Variants in BTBD9 observed in about 807,000 individuals in gnomAD.
BTBD9 encodes the protein BTB domain containing 9.
In BTBD9, 49 loss-of-function variants were observed where a neutral mutation model predicts 64.3. The ratio of observed to expected loss-of-function variants is 0.76; its 90% CI spans 0.61 to 0.97. The LOEUF (loss-of-function observed/expected upper bound fraction) is 0.97. Among genes scored for constraint, BTBD9 ranks in the 50% least tolerant of loss-of-function variants. The pLI, the probability that BTBD9 is intolerant of heterozygous loss-of-function variation, is 0.00. For synonymous variants in BTBD9, 260 were observed against 274.7 expected (o/e 0.95, Z 0.53); for missense variants, 598 against 762.1 (o/e 0.78, Z 2.53).
intron 9 of BTBD9, among the ~76,000 whole-genome samples, chr6:38,253,871 G>T (rs1232140224): frequency 6.6e-6 from 1 of 151,672 alleles, no homozygotes; most frequent in Non-Finnish European, 1.5e-5. Context: ...ATATGGTATA[G>T]TGGCAAGAAG....
intron 8 of BTBD9, among the ~76,000 whole-genome samples, chr6:38,273,893 T>C (rs370730783): frequency 2.1e-4 from 32 of 152,248 alleles, no homozygotes; most frequent in African/African-American, 6.3e-4. Flanking sequence ...TCCTTCTAGG[T>C]TGTAGTGGTC....
chr6:38,415,771 T>C (rs1409225119), intron 6 of BTBD9, among the ~76,000 whole-genome samples: 1 of 152,130 alleles, frequency 6.6e-6, no homozygotes, highest in Non-Finnish European at 1.5e-5. Flanking sequence ...CTCCTACTGG[T>C]TTCTGTCTTG....
At chr6:38,368,460 G>A (rs1765279307) in intron 6 of BTBD9, among the ~76,000 whole-genome samples, 1 of 152,026 alleles carries the variant, frequency 6.6e-6, no homozygotes, top group Non-Finnish European at 1.5e-5. Flanking sequence ...TCAGCCTCCT[G>A]AGTAGCTGGG....
intron 1 of BTBD9, among the ~76,000 whole-genome samples, chr6:38,617,916 T>C (rs759068991): frequency 6.6e-5 from 10 of 152,186 alleles, no homozygotes; most frequent in African/African-American, 9.7e-5. Flanking sequence ...GTCCTCTTTG[T>C]GGTCTAAGAG....
At chr6:38,180,025 G>C (rs1241575825) in intron 10 of BTBD9, among the ~76,000 whole-genome samples, 1 of 152,234 alleles carries the variant, frequency 6.6e-6, no homozygotes, top group African/African-American at 2.4e-5. Context: ...GCCTGCCTCA[G>C]TCATCTCTGT....
chr6:38,221,103 C>T (rs948760664), intron 9 of BTBD9, among the ~76,000 whole-genome samples: 1 of 152,156 alleles, frequency 6.6e-6, no homozygotes, highest in African/African-American at 2.4e-5. Context: ...CATTTTAGTG[C>T]AGGAGACAGA....
chr6:38,600,050 C>T (rs1221154194), intron 1 of BTBD9, among the ~76,000 whole-genome samples: 1 of 152,124 alleles, frequency 6.6e-6, no homozygotes, highest in Non-Finnish European at 1.5e-5. Context: ...TATGAAAGAC[C>T]AAATTCAGCT....
intron 6 of BTBD9, among the ~76,000 whole-genome samples, chr6:38,433,663 C>T (rs1199678205): frequency 5.3e-5 from 8 of 151,962 alleles, no homozygotes; most frequent in African/African-American, 1.9e-4. Context: ...CGCCTGCACC[C>T]AGGTGAAATA....
intron 6 of BTBD9, among the ~76,000 whole-genome samples, chr6:38,521,009 T>G (rs898876779): frequency 6.6e-6 from 1 of 151,950 alleles, no homozygotes; most frequent in Non-Finnish European, 1.5e-5. Context: ...CCACCATAAA[T>G]GATCTAAATA....
At chr6:38,563,240 T>C (rs1012223959) in intron 6 of BTBD9, among the ~76,000 whole-genome samples, 2 of 152,226 alleles carry the variant, frequency 1.3e-5, no homozygotes, top group African/African-American at 2.4e-5. Context: ...TCAAATATCA[T>C]CTTCTAAGAC....
intron 6 of BTBD9, among the ~76,000 whole-genome samples, chr6:38,460,188 A>G (rs1280912220): frequency 6.6e-6 from 1 of 152,232 alleles, no homozygotes; most frequent in African/African-American, 2.4e-5. Flanking sequence ...AACCTTAGGC[A>G]GTAAGAAAAT....
At chr6:38,251,752 C>T (rs1031575317) in intron 9 of BTBD9, among the ~76,000 whole-genome samples, 2 of 151,778 alleles carry the variant, frequency 1.3e-5, no homozygotes, top group Admixed American at 6.6e-5. Flanking sequence ...ATTAGCCAGC[C>T]GTGGTAGCAT....
At chr6:38,333,641 G>A (rs1763764648) in intron 7 of BTBD9, among the ~76,000 whole-genome samples, 1 of 152,188 alleles carries the variant, frequency 6.6e-6, no homozygotes, top group Non-Finnish European at 1.5e-5. Flanking sequence ...ATGTAAATAA[G>A]TGCCTGTTTT....
intron 6 of BTBD9, among the ~76,000 whole-genome samples, chr6:38,449,055 CAAAG>C (rs1287919236): frequency 6.6e-6 from 1 of 152,048 alleles, no homozygotes; most frequent in Non-Finnish European, 1.5e-5. Flanking sequence ...GTGTTTAGGA[CAAAG>C]AAAGAACTCA....
At chr6:38,264,508 C>T (rs1764903328) in intron 8 of BTBD9, among the ~76,000 whole-genome samples, 1 of 152,192 alleles carries the variant, frequency 6.6e-6, no homozygotes. Flanking sequence ...AGCAGAAAGA[C>T]AAACAACACA....
chr6:38,545,071 G>A (rs934314063), intron 6 of BTBD9, among the ~76,000 whole-genome samples: 4 of 151,920 alleles, frequency 2.6e-5, no homozygotes, highest in Non-Finnish European at 5.9e-5. Flanking sequence ...CCTGAGATGA[G>A]GAATGACTGG....
chr6:38,306,257 A>G (rs947353400), intron 7 of BTBD9, among the ~76,000 whole-genome samples: 4 of 152,198 alleles, frequency 2.6e-5, no homozygotes, highest in African/African-American at 9.7e-5. Flanking sequence ...TCCCACTGGA[A>G]TTTCTGTCCC....
chr6:38,193,822 C>T, intron 9 of BTBD9: 3 of 985,386 alleles, frequency 3.0e-6, no homozygotes, highest in Non-Finnish European at 3.6e-6. Flanking sequence ...TTGTTTTTCC[C>T]CCTTTGGTTT....
intron 6 of BTBD9, among the ~76,000 whole-genome samples, chr6:38,374,283 GTA>G (rs57568036): frequency 8.8e-5 from 4 of 45,472 alleles, no homozygotes; most frequent in African/African-American, 3.2e-4. Flanking sequence ...AAAAAAAAAA[GTA>G]TATATATATA....
Sources: allele counts gnomAD v4.1 joint callset (sites outside exome capture counted in the v4.1 genomes callset), GRCh38; gene constraint gnomAD v4.1.1; transcripts MANE v1.5; gene names NCBI Gene and HGNC (gene_info 2026-07-23, HGNC 2026-07-21).